The following CAPN15 variants were observed in gnomAD, a reference collection of about 807,000 sequenced individuals.
CAPN15 encodes the protein calpain-15.
Under a neutral mutation model 97.9 loss-of-function variants are expected in CAPN15, and 53 were observed. The ratio of observed to expected loss-of-function variants is 0.54; its 90% CI spans 0.43 to 0.68. The LOEUF is 0.68. CAPN15 is among the 30% of genes least tolerant of loss of function. CAPN15 has a pLI of 0.00. For synonymous variants in CAPN15, 922 were observed against 722.5 expected (o/e 1.28, Z -4.43); for missense variants, 1,592 against 1,589.8 (o/e 1.00, Z -0.02).
In CAPN15 at chr16:552,801, T is replaced by TGGGGGGGGGGGGGGGG; in HGVS notation, c.2904+34_2904+35insGGGGGGGGGGGGGGGG. On this transcript the variant is annotated intron_variant, in intron 12 of 13. Transcript: ENST00000219611. This position sits in a 1 kb window ranked among gnomAD's most constrained non-coding sequence, Gnocchi z 6.4. The stretch of plus-strand genomic sequence containing the variant: ...GTGGGGGTCCCGGGGGAGGGTGGCG[T>TGGGGGGGGGGGGGGGG]GGGGCAGGGGGAGTATGCCCCAGCA... 5 of 1,504,510 alleles carry TGGGGGGGGGGGGGGGG rather than the reference T, an allele frequency of 3.3e-6. No individual in the cohort carries two copies. Among genetic ancestry groups the TGGGGGGGGGGGGGGGG allele is most frequent in the Non-Finnish European group, 3.6e-6 (4 of 1,119,142 alleles). The allele number at this position is 1,504,510 out of a possible 1,614,324, so 93.2% of individuals were successfully genotyped here. A position where few individuals can be genotyped will look rare whatever the true frequency, so the allele number is the denominator to read the frequency against.
intron 3 of CAPN15, among the ~76,000 whole-genome samples, chr16:542,294 A>G (rs2034175072): frequency 8.2e-6 from 1 of 121,698 alleles, no homozygotes; most frequent in Admixed American, 7.9e-5. Flanking sequence ...TTGCATAGAT[A>G]CCTAGGAGTG....
In CAPN15 at chr16:527,927, G is replaced by C. The variant is rs997324043; in HGVS notation, c.-292G>C. The stretch of plus-strand genomic sequence containing the variant: ...GGCGAGAGGGGCCCCGCCGCTCTCC[G>C]GAGGCAGAAGTTGTGGATCGGCCGG... On this transcript the variant is annotated 5_prime_UTR_variant, in exon 1 of 14. Coordinates refer to ENST00000219611, the MANE Select transcript of CAPN15 (RefSeq NM_005632.3). 1 of 146,174 alleles carries C rather than the reference G, an allele frequency of 6.8e-6. No homozygotes were observed. The highest frequency in any genetic ancestry group is 1.5e-5 in the Non-Finnish European group (1 of 65,674). The allele number at this position is 146,174 out of a possible 1,614,324, so 9.1% of individuals were successfully genotyped here. A position where few individuals can be genotyped will look rare whatever the true frequency, so the allele number is the denominator to read the frequency against.
intron 4 of CAPN15, among the ~76,000 whole-genome samples, chr16:548,490 T>C (rs559801376): frequency 6.6e-6 from 1 of 152,344 alleles, no homozygotes; most frequent in South Asian, 2.1e-4. Context: ...TGGTCCTTGC[T>C]GGTGACCGAG....
In CAPN15 at chr16:547,238, C is replaced by CAGGAGGAGG; in HGVS notation, c.407_415dup (p.Glu136_Glu138dup). The CAGGAGGAGG allele has an allele frequency of 6.6e-7, 1 of 1,515,948 alleles. No homozygotes were observed. Among genetic ancestry groups the CAGGAGGAGG allele is most frequent in the Non-Finnish European group, 8.8e-7 (1 of 1,138,192 alleles). 93.9% of individuals were successfully genotyped at this position (1,515,948 alleles called of 1,614,324 possible). ...CAAGGACGAGGAGGAGAAGGAGGAG[C>CAGGAGGAGG]AGGAGGAGGAGGAGGGAGCGGCGGA... On this transcript the variant is annotated inframe_insertion, in exon 4 of 14. Coordinates refer to ENST00000219611, the MANE Select transcript of CAPN15 (RefSeq NM_005632.3).
rs2034735330 is a variant in CAPN15 at position 548,188 on chromosome 16, C to T, written c.1350C>T (p.Pro450=). ...TGGCCCAGCGGCGGGGGGCCGCGCC[C>T]CTGAGGCGCAGGGAGAGCATGCACG... ...LLVAQRRGAA[P]LRRRESMHVE... is the part of the protein sequence containing the mutation. The change falls in exon 4 of 14, where the codon CCC becomes CCT. Residue 450 remains proline (P), a synonymous_variant. Transcript: ENST00000219611. 5.2e-6 allele frequency: 8 copies of T among 1,537,202 alleles called. No individual in the cohort carries two copies. The highest frequency in any genetic ancestry group is 2.4e-5 in the South Asian group (2 of 82,532).
At chr16:532,042 C>G (rs1373723867) in intron 1 of CAPN15, among the ~76,000 whole-genome samples, 1 of 152,006 alleles carries the variant, frequency 6.6e-6, no homozygotes, top group Non-Finnish European at 1.5e-5. Flanking sequence ...GAGTTCGAGA[C>G]CAGCCTGACC....
chr16:544,902 G>A (rs562386222), intron 3 of CAPN15, among the ~76,000 whole-genome samples: 8 of 126,140 alleles, frequency 6.3e-5, no homozygotes, highest in Non-Finnish European at 1.0e-4. Flanking sequence ...CCACGTCGTC[G>A]TCTCCCCTCA....
At chr16:539,943 C>A in intron 3 of CAPN15, 1 of 403,496 alleles carries the variant, frequency 2.5e-6, no homozygotes, top group Non-Finnish European at 3.4e-6. Flanking sequence ...GAAGTCGGGC[C>A]GCAGGCCCTG....
intron 13 of CAPN15, 81 bp from the exon 14 acceptor site, chr16:553,258 C>T: frequency 2.0e-6 from 2 of 993,522 alleles, no homozygotes; most frequent in Non-Finnish European, 3.1e-6. Flanking sequence ...CACTCCTGCT[C>T]CTGCCCCTGT....
In CAPN15 at chr16:529,047, G is replaced by A. The variant is rs114589303; in HGVS notation, c.-190+1018G>A. Reference sequence around the variant, plus strand: ...AATTGTTTTTCTGGCCTGTCTGGGGGAGGCAGGTCCTGCAGGAAACCAGCT... The same window carrying A: ...AATTGTTTTTCTGGCCTGTCTGGGGAAGGCAGGTCCTGCAGGAAACCAGCT... On this transcript the variant is annotated intron_variant, in intron 1 of 13. Transcript: ENST00000219611. 6.8e-3 allele frequency among the ~76,000 whole-genome samples: 1,031 copies of A among 152,288 alleles called. 11 individuals carry two copies. Among genetic ancestry groups the A allele is most frequent in the African/African-American group, 0.024 (980 of 41,554 alleles).
At position 552,114 on chromosome 16, in the gene CAPN15, C is replaced by T. The variant is rs763999060; in HGVS notation, c.2409C>T (p.Gly803=). 4.1e-5 allele frequency: 64 copies of T among 1,548,650 alleles called. No homozygotes were observed. The highest frequency in any genetic ancestry group is 5.4e-5 in the Non-Finnish European group (62 of 1,146,748). Residue 803 remains glycine (G), a synonymous_variant, in exon 10 of 14, where the codon GGC becomes GGT. Coordinates refer to ENST00000219611, the MANE Select transcript of CAPN15 (RefSeq NM_005632.3). The surrounding 1 kb of genome is among the most constrained non-coding windows in gnomAD (Gnocchi z 6.4). ...ACTGGCAGGAGGCGCGGGTGCAGGG[C>T]TGCTTTCCCAGCTCGGCCAGCGCGC... ...HSDWQEARVQ[G]CFPSSASAPV... is the part of the protein sequence containing the mutation.
Position 534,003 on chromosome 16 carries a change from G to C in CAPN15, c.-137+5G>C. 1.0e-6 allele frequency: 1 copy of C among 985,230 alleles called. No homozygotes were observed. Among genetic ancestry groups the C allele is most frequent in the Non-Finnish European group, 1.2e-6 (1 of 829,726 alleles). 61.0% of individuals were successfully genotyped at this position (985,230 alleles called of 1,614,324 possible). On this transcript the variant is annotated splice_donor_5th_base_variant and intron_variant, in intron 2 of 13. Coordinates refer to ENST00000219611, the MANE Select transcript of CAPN15 (RefSeq NM_005632.3). The stretch of plus-strand genomic sequence containing the variant: ...GGGAGCTTGCTGCAGCTTCAGGTGA[G>C]TTTGTTCCCAAGCCCTGCGGCTCGT...
In CAPN15 at chr16:535,084, C is replaced by A. The variant is rs2141966684; in HGVS notation, c.-136-945C>A. The stretch of plus-strand genomic sequence containing the variant: ...GCTGGGGGTCGCTGTGCCAGCCCTG[C>A]TCCCATGTGGGCTCCCAGCTCCCCA... On this transcript the variant is annotated intron_variant, in intron 2 of 13. Coordinates refer to ENST00000219611, the MANE Select transcript of CAPN15 (RefSeq NM_005632.3). This position sits in a 1 kb window ranked among gnomAD's most constrained non-coding sequence, Gnocchi z 6.2. 6.6e-6 allele frequency among the ~76,000 whole-genome samples: 1 copy of A among 152,260 alleles called. No individual in the cohort carries two copies. Among genetic ancestry groups the A allele is most frequent in the East Asian group, 1.9e-4 (1 of 5,174 alleles).
intron 1 of CAPN15, 147 bp from the exon 2 acceptor site, chr16:533,799 G>C (rs1274999035): frequency 9.6e-6 from 2 of 208,784 alleles, no homozygotes; most frequent in East Asian, 3.7e-4. Context: ...CAGAAGCTCG[G>C]ACAGCTTCTA....
rs1371679434 is a variant in CAPN15 at position 547,800 on chromosome 16, T to C, written c.962T>C (p.Ile321Thr). 1 of 1,612,050 alleles carries C rather than the reference T, an allele frequency of 6.2e-7. No homozygotes were observed. The highest frequency in any genetic ancestry group is 1.1e-5 in the South Asian group (1 of 91,008). Residue 321 changes from isoleucine (I) to threonine (T), a missense_variant, in exon 4 of 14, where the codon ATC becomes ACC. Transcript: ENST00000219611. ...GGCAGCTCCACCTCGGGCAGTGACA[T>C]CATTGACCTGGCCGGAGACACCGTG... is the stretch of plus-strand genomic sequence containing the variant. ...EAGSSTSGSD[I>T]IDLAGDTVRY...
chr16:531,453 C>T lies in CAPN15; in HGVS notation c.-189-2493C>T, dbSNP rs76195504. ...TCCCCACTCCCTACCCCCCACCTCC[C>T]TGTCCCCTGTAATGAGAAAGGCAAT... On this transcript the variant is annotated intron_variant, in intron 1 of 13. Transcript: ENST00000219611. 2.9e-3 allele frequency among the ~76,000 whole-genome samples: 449 copies of T among 152,354 alleles called. 4 individuals carry two copies. Among genetic ancestry groups the T allele is most frequent in the Non-Finnish European group, 2.6e-3 (177 of 68,032 alleles).
intron 8 of CAPN15, 39 bp from the exon 9 acceptor site, chr16:551,473 G>C (rs374971860): frequency 6.2e-7 from 1 of 1,601,060 alleles, no homozygotes; most frequent in Non-Finnish European, 8.5e-7. Context: ...GGTGAGACTC[G>C]GGCAGTGTGG....
intron 3 of CAPN15, chr16:537,223 C>T: frequency 2.0e-6 from 2 of 985,488 alleles, no homozygotes; most frequent in Non-Finnish European, 2.4e-6. Context: ...CAGATGGGGC[C>T]CACAGGGTCA....
intron 3 of CAPN15, among the ~76,000 whole-genome samples, chr16:541,758 C>T (rs1297844282): frequency 5.3e-5 from 8 of 152,366 alleles, no homozygotes; most frequent in South Asian, 2.1e-4. Flanking sequence ...TACAGCATCC[C>T]GCAGCCCAGA....
Sources: allele counts gnomAD v4.1 joint callset (sites outside exome capture counted in the v4.1 genomes callset), GRCh38; gene constraint gnomAD v4.1.1; non-coding constraint Gnocchi (gnomAD v3.1); transcripts MANE v1.5; gene names NCBI Gene and HGNC (gene_info 2026-07-23, HGNC 2026-07-21).